The following CSMD1 variants were observed in gnomAD, a reference collection of about 807,000 sequenced individuals.
CSMD1 encodes the protein CUB and sushi domain-containing protein 1.
Under a neutral mutation model 417.5 loss-of-function variants are expected in CSMD1, and 213 were observed. The observed-to-expected ratio is 0.51, with a 90% CI of 0.46 to 0.57. The LOEUF is 0.57. Among genes scored for constraint, CSMD1 ranks in the 20% least tolerant of loss-of-function variants. The probability of loss-of-function intolerance (pLI) is 0.00; values close to 1 mark genes in which losing one functional copy is unlikely to be tolerated. For synonymous variants in CSMD1, 2,862 were observed against 1,736.8 expected (o/e 1.65, Z -16.11); for missense variants, 6,923 against 4,529.7 (o/e 1.53, Z -15.17).
chr8:3,194,018 T>C (rs77828060), intron 33 of CSMD1, among the ~76,000 whole-genome samples: 2,802 of 152,342 alleles, frequency 0.018, 84 homozygotes, highest in African/African-American at 0.062. Flanking sequence ...TTTGATGTAG[T>C]GACTGAGGGA....
chr8:3,082,670 C>A (rs1214198340), intron 49 of CSMD1, among the ~76,000 whole-genome samples: 1 of 152,102 alleles, frequency 6.6e-6, no homozygotes, highest in Non-Finnish European at 1.5e-5. Context: ...GGCTTCAGAC[C>A]CACAGCAACA....
intron 6 of CSMD1, among the ~76,000 whole-genome samples, chr8:3,739,549 A>C (rs770540950): frequency 6.6e-6 from 1 of 152,194 alleles, no homozygotes; most frequent in Non-Finnish European, 1.5e-5. Flanking sequence ...AATTGAAAAA[A>C]AGGGAAAACT....
At chr8:4,647,349 C>T (rs1009043470) in intron 1 of CSMD1, among the ~76,000 whole-genome samples, 6 of 150,230 alleles carry the variant, frequency 4.0e-5, no homozygotes, top group Non-Finnish European at 7.4e-5. Flanking sequence ...CGTAGGTACG[C>T]GTGTGCCACG....
chr8:4,646,401 C>T (rs142879911), intron 1 of CSMD1, among the ~76,000 whole-genome samples: 117 of 152,248 alleles, frequency 7.7e-4, no homozygotes, highest in African/African-American at 2.8e-3. Flanking sequence ...AAGCCAGAAG[C>T]TCCAGTGTCT....
At chr8:4,490,000 G>C (rs1247410750) in intron 2 of CSMD1, among the ~76,000 whole-genome samples, 2 of 149,368 alleles carry the variant, frequency 1.3e-5, no homozygotes, top group Non-Finnish European at 3.0e-5. Flanking sequence ...CAAAATTGTT[G>C]TCTGTCTTTC....
intron 27 of CSMD1, among the ~76,000 whole-genome samples, chr8:3,226,119 T>C (rs1402610572): frequency 1.3e-5 from 2 of 152,192 alleles, no homozygotes; most frequent in Non-Finnish European, 2.9e-5. Flanking sequence ...GCGATAAATA[T>C]TTTCTAAATA....
At chr8:4,284,772 G>A (rs571338283) in intron 3 of CSMD1, among the ~76,000 whole-genome samples, 1 of 152,140 alleles carries the variant, frequency 6.6e-6, no homozygotes, top group South Asian at 2.1e-4. Context: ...CCACTTGCCT[G>A]GCTCTTTCCA....
intron 3 of CSMD1, among the ~76,000 whole-genome samples, chr8:4,370,063 G>T (rs562125901): frequency 2.2e-4 from 34 of 152,178 alleles, no homozygotes; most frequent in Middle Eastern, 3.4e-3. Context: ...GTGCTTCAGT[G>T]TGTTTTTCGG....
chr8:4,204,004 G>A (rs963903514), intron 3 of CSMD1, among the ~76,000 whole-genome samples: 3 of 152,136 alleles, frequency 2.0e-5, no homozygotes, highest in Non-Finnish European at 2.9e-5. Flanking sequence ...GGAAGACTGA[G>A]GCATCAGAAT....
At chr8:4,686,369 C>T (rs1806387461) in intron 1 of CSMD1, among the ~76,000 whole-genome samples, 1 of 152,204 alleles carries the variant, frequency 6.6e-6, no homozygotes, top group Non-Finnish European at 1.5e-5. Flanking sequence ...GGCACTCTGA[C>T]ATTTGAGAAA....
intron 7 of CSMD1, among the ~76,000 whole-genome samples, chr8:3,647,410 A>C (rs1414106571): frequency 6.6e-6 from 1 of 152,226 alleles, no homozygotes; most frequent in African/African-American, 2.4e-5. Context: ...ATAGAACACA[A>C]AGAGAAAAAC....
chr8:4,177,420 C>T (rs1355113447), intron 3 of CSMD1, among the ~76,000 whole-genome samples: 1 of 151,956 alleles, frequency 6.6e-6, no homozygotes, highest in Non-Finnish European at 1.5e-5. Context: ...CTCTGGGGCA[C>T]ATTCAAAGCA....
chr8:3,267,212 G>GGT (rs1801497639), intron 26 of CSMD1, among the ~76,000 whole-genome samples: 2 of 152,266 alleles, frequency 1.3e-5, no homozygotes, highest in African/African-American at 4.8e-5. Flanking sequence ...GGTAACAGGA[G>GGT]TGAGAAACAG....
intron 1 of CSMD1, among the ~76,000 whole-genome samples, chr8:4,655,081 A>G (rs1804143901): frequency 6.6e-6 from 1 of 152,062 alleles, no homozygotes; most frequent in African/African-American, 2.4e-5. Flanking sequence ...TGTCCATCAA[A>G]GGAGACCTAT....
chr8:4,820,998 AGTCATTAGAAT>A (rs1265219927), intron 1 of CSMD1, among the ~76,000 whole-genome samples: 1 of 152,184 alleles, frequency 6.6e-6, no homozygotes, highest in Non-Finnish European at 1.5e-5. Flanking sequence ...ATCTGCACGT[AGTCATTAGAAT>A]GTCTCAGATC....
At chr8:3,733,677 T>C (rs1326438238) in intron 6 of CSMD1, among the ~76,000 whole-genome samples, 1 of 151,990 alleles carries the variant, frequency 6.6e-6, no homozygotes, top group African/African-American at 2.4e-5. Flanking sequence ...CTGCCTGGAG[T>C]TGGGAGTCAC....
rs781742967 is a variant in CSMD1, at chr8:3,308,355, A to C, written c.3780T>G (p.Ser1260Arg). The change falls in exon 24 of 70, where the codon AGT (serine) becomes AGG (arginine). Residue 1260 changes from serine to arginine, a missense_variant. By Grantham distance (110) the Ser-to-Arg change is moderately radical. Coordinates refer to ENST00000635120, the MANE Select transcript of CSMD1 (RefSeq NM_033225.6). ...GTTTGTCCCACACTCTCCTGTCTCCACTCAAACAGGTCAGGGTGTTGCTGC... is the reference window on the plus strand; with the variant it reads ...GTTTGTCCCACACTCTCCTGTCTCCCCTCAAACAGGTCAGGGTGTTGCTGC... ...MHGSNTLTCLSGDRRVWDKPL... is the reference protein window; with the variant it reads ...MHGSNTLTCLRGDRRVWDKPL... 2 of 1,613,386 alleles carry C rather than the reference A, an allele frequency of 1.2e-6. No homozygotes were observed. The highest frequency in any genetic ancestry group is 1.1e-5 in the South Asian group (1 of 91,016).
At chr8:4,553,390 T>C (rs1427193582) in intron 2 of CSMD1, among the ~76,000 whole-genome samples, 1 of 152,188 alleles carries the variant, frequency 6.6e-6, no homozygotes, top group African/African-American at 2.4e-5. Context: ...CTTCATTTTG[T>C]ATTATTTTCA....
chr8:4,592,770 C>T (rs1563317041), intron 2 of CSMD1, among the ~76,000 whole-genome samples: 1 of 152,058 alleles, frequency 6.6e-6, no homozygotes, highest in African/African-American at 2.4e-5. Flanking sequence ...AATATTTATA[C>T]TTAGTTAAAA....
Sources: allele counts gnomAD v4.1 joint callset (sites outside exome capture counted in the v4.1 genomes callset), GRCh38; gene constraint gnomAD v4.1.1; transcripts MANE v1.5; gene names NCBI Gene and HGNC (gene_info 2026-07-23, HGNC 2026-07-21).